Variants in CHD5 observed in about 807,000 individuals in gnomAD.
CHD5 encodes chromodomain helicase DNA binding protein 5, also known as ATP-dependent chromatin remodeler CHD5.
In CHD5, 69 loss-of-function variants were observed where a neutral mutation model predicts 230.3. The observed-to-expected ratio is 0.30, with a 90% CI of 0.25 to 0.37. CHD5 has a LOEUF of 0.37. CHD5 is among the 10% of genes least tolerant of loss of function. CHD5 has a pLI of 1.00. For missense variants in CHD5, 1,827 were observed against 2,622.8 expected, an observed-to-expected ratio of 0.70 and a Z score of 6.63; for synonymous variants, 1,064 against 1,065.9, an observed-to-expected ratio of 1.00 and a Z score of 0.03.
chr1:6,145,780 C>T (rs1666899617), intron 11 of CHD5, among the ~76,000 whole-genome samples: 1 of 152,210 alleles, frequency 6.6e-6, no homozygotes, highest in Admixed American at 6.5e-5. Flanking sequence ...CCTATTCTCA[C>T]ATCAGTAAAA....
At position 6,105,539 on chromosome 1, in the gene CHD5, G is replaced by C. The variant is rs540224687; in HGVS notation, c.*47-112C>G. The stretch of plus-strand genomic sequence containing the variant: ...ACCTATCACAACCAACTATGATCGG[G>C]GTGCCCCCCAGCCATGACCTCCCAG... On this transcript the variant is annotated intron_variant, in intron 41 of 41. Transcript: ENST00000262450. The surrounding 1 kb of genome is among the most constrained non-coding windows in gnomAD (Gnocchi z 4.8). The C allele has an allele frequency of 2.2e-5, 8 of 359,480 alleles. No homozygotes were observed. The East Asian group carries it at 6.2e-4, about 28-fold the overall frequency. The allele number at this position is 359,480 out of a possible 1,614,324, so 22.3% of individuals were successfully genotyped here.
At chr1:6,113,746 AAGG>A in intron 33 of CHD5, among the ~76,000 whole-genome samples, 1 of 152,312 alleles carries the variant, frequency 6.6e-6, no homozygotes, top group Non-Finnish European at 1.5e-5. Context: ...CCACAGGATC[AAGG>A]AAAAGAAGGT....
In CHD5 at chr1:6,111,456, C is replaced by T. The variant is rs112090625; in HGVS notation, c.5249+319G>A. Among the ~76,000 whole-genome samples, 621 of 151,766 alleles carry T rather than the reference C, an allele frequency of 4.1e-3. 8 individuals carry two copies. The highest frequency in any genetic ancestry group is 0.014 in the African/African-American group (598 of 41,374). Reference sequence around the variant, plus strand: ...GGCTGAGGCAGGAGAATCGCTTGAACCCGGGAGGCAGCAGTTGCAGTGAGC... The same window carrying T: ...GGCTGAGGCAGGAGAATCGCTTGAATCCGGGAGGCAGCAGTTGCAGTGAGC... On this transcript the variant is annotated intron_variant, in intron 36 of 41. Coordinates refer to ENST00000262450, the MANE Select transcript of CHD5 (RefSeq NM_015557.3).
chr1:6,174,186 A>T (rs1667382996), intron 1 of CHD5, among the ~76,000 whole-genome samples: 1 of 152,066 alleles, frequency 6.6e-6, no homozygotes, highest in Non-Finnish European at 1.5e-5. Context: ...AGGGAGAGGC[A>T]GGGGCATGAC....
rs1666094299 is a variant in CHD5, at chr1:6,102,849, G to A, written c.*2625C>T. 6.6e-6 allele frequency: 1 copy of A among 152,348 alleles called. No individual in the cohort carries two copies. The highest frequency in any genetic ancestry group is 2.4e-5 in the African/African-American group (1 of 41,460). The allele number at this position is 152,348 out of a possible 1,614,324, so 9.4% of individuals were successfully genotyped here. A position where few individuals can be genotyped will look rare whatever the true frequency, so the allele number is the denominator to read the frequency against. On this transcript the variant is annotated 3_prime_UTR_variant, in exon 42 of 42. Coordinates refer to ENST00000262450, the MANE Select transcript of CHD5 (RefSeq NM_015557.3). ...GCTTCTGCCTCAGGCGTGTATGAGA[G>A]GGCCCTGCAGACGTGCTCACTCCAC...
At chr1:6,152,642 C>T in intron 5 of CHD5, 106 bp from the exon 6 acceptor site, 1 of 1,549,666 alleles carries the variant, frequency 6.5e-7, no homozygotes, top group Non-Finnish European at 8.7e-7. Flanking sequence ...AGGGTCATTT[C>T]TACCATCACC....
intron 5 of CHD5, among the ~76,000 whole-genome samples, chr1:6,152,887 A>G (rs935004507): frequency 2.0e-5 from 3 of 152,198 alleles, no homozygotes; most frequent in African/African-American, 7.2e-5. Flanking sequence ...CACTGAAGGC[A>G]CAGCCGCCCA....
chr1:6,112,354 G>C, intron 34 of CHD5, 77 bp from the exon 35 acceptor site: 1 of 1,561,824 alleles, frequency 6.4e-7, no homozygotes. Flanking sequence ...GCCAAGCACG[G>C]GGGACCCAGG....
At chr1:6,140,166 G>A (rs7526032) in intron 15 of CHD5, among the ~76,000 whole-genome samples, 25,095 of 152,056 alleles carry the variant, frequency 0.17, 2,295 homozygotes, top group Middle Eastern at 0.24. Context: ...ACCTTAAGAG[G>A]CCGAGGTGGG....
chr1:6,164,674 A>G (rs1667225739), intron 2 of CHD5, among the ~76,000 whole-genome samples: 1 of 152,162 alleles, frequency 6.6e-6, no homozygotes, highest in African/African-American at 2.4e-5. Flanking sequence ...GCAGGTGGGC[A>G]AAGGGGCACC....
chr1:6,128,843 A>C lies in CHD5; in HGVS notation c.3614T>G (p.Val1205Gly). The C allele has an allele frequency of 6.2e-7, 1 of 1,608,564 alleles. No homozygotes were observed. The highest frequency in any genetic ancestry group is 8.5e-7 in the Non-Finnish European group (1 of 1,176,164). Residue 1205 changes from valine (V) to glycine (G), a missense_variant, in exon 23 of 42, where the codon GTG (valine) becomes GGG (glycine). Val to Gly is a moderately radical substitution (Grantham distance 109, BLOSUM62 -3). This residue lies in a region of CHD5 where 81 missense variants were observed against 245.4 expected (regional missense o/e 0.33). Transcript: ENST00000262450. The surrounding 1 kb of genome is among the most constrained non-coding windows in gnomAD (Gnocchi z 7.8). Reference protein sequence around the residue: ...FGTEELFKDDVEGMMSQGQRP... With the variant: ...FGTEELFKDDGEGMMSQGQRP... Reference sequence around the variant, plus strand: ...CCCTCGGAACAGAGGCCCACCCTCCACGTCGTCCTTGAAGAGTTCCTCCGT... The same window carrying C: ...CCCTCGGAACAGAGGCCCACCCTCCCCGTCGTCCTTGAAGAGTTCCTCCGT...
Position 6,143,843 on chromosome 1 carries a change from G to A in CHD5, c.2023C>T (p.Pro675Ser). Reference protein sequence around the residue: ...KLRDDKQEKPPDTPIVDPTVK... With the variant: ...KLRDDKQEKPSDTPIVDPTVK... Reference sequence around the variant, plus strand: ...CTCACGTCCACAATGGGCGTGTCCGGCGGCTTCTCCTGCTTGTCGTCCCTC... The same window carrying A: ...CTCACGTCCACAATGGGCGTGTCCGACGGCTTCTCCTGCTTGTCGTCCCTC... Residue 675 changes from proline to serine, a missense_variant, in exon 13 of 42, where the codon CCG becomes TCG. This residue lies in a region of CHD5 where 657 missense variants were observed against 816.4 expected (regional missense o/e 0.80). Transcript: ENST00000262450. The A allele has an allele frequency of 6.2e-7, 1 of 1,612,392 alleles. No individual in the cohort carries two copies. The highest frequency in any genetic ancestry group is 8.5e-7 in the Non-Finnish European group (1 of 1,180,002).
At position 6,146,343 on chromosome 1, in the gene CHD5, G is replaced by C. The variant is rs1307758013; in HGVS notation, c.1671C>G (p.Gly557=). ...CGCTCTTGCCGTCTTCATCCCCAGA[G>C]CCGTAGTCAAAGGGGGGCGGCTCAT... ...DMDEPPPFDY[G]SGDEDGKSEK... The change falls in exon 11 of 42, where the codon GGC becomes GGG. Residue 557 remains glycine (G), a synonymous_variant. Transcript: ENST00000262450. This position sits in a 1 kb window ranked among gnomAD's most constrained non-coding sequence, Gnocchi z 5.1. 6.2e-7 allele frequency: 1 copy of C among 1,614,026 alleles called. No individual in the cohort carries two copies. Among genetic ancestry groups the C allele is most frequent in the Non-Finnish European group, 8.5e-7 (1 of 1,180,020 alleles).
At chr1:6,123,884 G>T (rs1244538563) in intron 31 of CHD5, 64 bp downstream of exon 31, 1 of 1,250,448 alleles carries the variant, frequency 8.0e-7, no homozygotes, top group Admixed American at 3.7e-5. Flanking sequence ...TAGACTAGGG[G>T]TTTCTGTGAC....
At chr1:6,178,038 T>C (rs990251481) in intron 1 of CHD5, among the ~76,000 whole-genome samples, 4 of 151,896 alleles carry the variant, frequency 2.6e-5, no homozygotes, top group Non-Finnish European at 4.4e-5. Context: ...ACCCAGAACA[T>C]GGAGAGAAGC....
In CHD5 at chr1:6,112,124, C is replaced by T. The variant is rs370666785; in HGVS notation, c.5140+16G>A. ...CAGGAAGCCTCAGCTCTCTGCCCAA[C>T]CCCCAACCCCAATACCCGTGAAGCC... On this transcript the variant is annotated intron_variant, in intron 35 of 41. Coordinates refer to ENST00000262450, the MANE Select transcript of CHD5 (RefSeq NM_015557.3). The T allele has an allele frequency of 1.2e-4, 193 of 1,610,980 alleles. No individual in the cohort carries two copies. Among genetic ancestry groups the T allele is most frequent in the Non-Finnish European group, 7.6e-5 (89 of 1,178,242 alleles).
Position 6,102,285 on chromosome 1 carries a change from A to G in CHD5, c.*3189T>C, listed in dbSNP as rs1557530518. 6.2e-6 allele frequency: 1 copy of G among 160,690 alleles called. No homozygotes were observed. The highest frequency in any genetic ancestry group is 2.4e-5 in the African/African-American group (1 of 41,448). The allele number at this position is 160,690 out of a possible 1,614,324, so 10.0% of individuals were successfully genotyped here. ...AATCTGAAAATTAAAGAAAAAAAAAACACAACGCCAGTGAGTTTGGGCTGA... is the reference window on the plus strand; with the variant it reads ...AATCTGAAAATTAAAGAAAAAAAAAGCACAACGCCAGTGAGTTTGGGCTGA... On this transcript the variant is annotated 3_prime_UTR_variant, in exon 42 of 42. Transcript: ENST00000262450.
chr1:6,112,893 C>G lies in CHD5; in HGVS notation c.5002+16G>C. 1 of 1,599,658 alleles carries G rather than the reference C, an allele frequency of 6.3e-7. No individual in the cohort carries two copies. Among genetic ancestry groups the G allele is most frequent in the East Asian group, 2.2e-5 (1 of 44,800 alleles). On this transcript the variant is annotated intron_variant, in intron 34 of 41. Transcript: ENST00000262450. The stretch of plus-strand genomic sequence containing the variant: ...GACCATGGGGCACAGGTAGAGAACA[C>G]AGAAGAGCCCCAGACCTGGCCTGAG...
At chr1:6,117,641 T>G (rs1164643405) in intron 33 of CHD5, among the ~76,000 whole-genome samples, 1 of 152,194 alleles carries the variant, frequency 6.6e-6, no homozygotes, top group East Asian at 1.9e-4. Flanking sequence ...GAAAGGACAT[T>G]TCTTCAACAA....
Sources: gnomAD v4.1 joint callset for allele counts (sites outside exome capture counted in the v4.1 genomes callset) on GRCh38, gnomAD v4.1.1 for gene constraint, gnomAD v4.1.1 regional missense constraint, Gnocchi (gnomAD v3.1) non-coding constraint, MANE v1.5 for transcripts, NCBI Gene and HGNC (gene_info 2026-07-23, HGNC 2026-07-21) for gene names.